The following GFI1 variants were observed in gnomAD, a reference collection of about 807,000 sequenced individuals.
GFI1 encodes zinc finger protein Gfi-1.
In GFI1, 15 loss-of-function variants were observed where a neutral mutation model predicts 39.2. The ratio of observed to expected loss-of-function variants is 0.38; its 90% CI spans 0.26 to 0.59. The LOEUF (loss-of-function observed/expected upper bound fraction) is 0.59, where lower values mean the gene tolerates loss of function less well. Ranked by LOEUF, GFI1 falls within the 20% of genes least tolerant of loss-of-function variation. The pLI is 0.62. For missense variants in GFI1, 475 were observed against 574.0 expected (o/e 0.83, Z 1.76); for synonymous variants, 239 against 254.3 (o/e 0.94, Z 0.57).
At chr1:92,477,628 C>T (rs899217137) in intron 6 of GFI1, among the ~76,000 whole-genome samples, 1 of 152,204 alleles carries the variant, frequency 6.6e-6, no homozygotes, top group African/African-American at 2.4e-5. Flanking sequence ...CATTACATGG[C>T]TACATTATTC....
chr1:92,482,833 C>T lies in GFI1; in HGVS notation c.298+31G>A. ...CCAGCACTGCCGGGTCCCTGCAGCT[C>T]CCGCCCAAGAGGTTCCCAGTGGGTT... On this transcript the variant is annotated intron_variant, in intron 3 of 6. Transcript: ENST00000294702. The surrounding 1 kb of genome is among the most constrained non-coding windows in gnomAD (Gnocchi z 4.4). 6.3e-7 allele frequency: 1 copy of T among 1,593,720 alleles called. No individual in the cohort carries two copies. The highest frequency in any genetic ancestry group is 8.6e-7 in the Non-Finnish European group (1 of 1,161,730).
Position 92,482,730 on chromosome 1 carries a change from G to T in GFI1, c.298+134C>A, listed in dbSNP as rs1658321007. The T allele has an allele frequency of 1.3e-6, 1 of 747,924 alleles. No individual in the cohort carries two copies. The highest frequency in any genetic ancestry group is 1.5e-5 in the South Asian group (1 of 66,668). The allele number at this position is 747,924 out of a possible 1,614,324, so 46.3% of individuals were successfully genotyped here. ...GAAGCCGGATGCCTCCTTCCCCTAC[G>T]AATCAGCTCCCTTCTCCCGGAAAGA... is the stretch of plus-strand genomic sequence containing the variant. On this transcript the variant is annotated intron_variant, in intron 3 of 6. Coordinates refer to ENST00000294702, the MANE Select transcript of GFI1 (RefSeq NM_005263.5). This position sits in a 1 kb window ranked among gnomAD's most constrained non-coding sequence, Gnocchi z 4.4.
chr1:92,478,002 T>C (rs1049670801), intron 6 of GFI1, among the ~76,000 whole-genome samples: 1 of 152,228 alleles, frequency 6.6e-6, no homozygotes, highest in Non-Finnish European at 1.5e-5. Flanking sequence ...GCCTCATTTT[T>C]TTCATCTCTA....
chr1:92,483,709 GC>G, intron 1 of GFI1, 123 bp from the exon 2 acceptor site: 2 of 576,966 alleles, frequency 3.5e-6, no homozygotes, highest in Non-Finnish European at 6.3e-6. Context: ...GGGAGGAGGG[GC>G]TTGACCCTGC....
In GFI1 at chr1:92,480,620, T is replaced by C; in HGVS notation, c.767A>G (p.Lys256Arg). The C allele has an allele frequency of 6.4e-7, 1 of 1,569,130 alleles. No homozygotes were observed. Among genetic ancestry groups the C allele is most frequent in the South Asian group, 1.2e-5 (1 of 86,356 alleles). The change falls in exon 4 of 7, where the codon AAG becomes AGG. Residue 256 changes from lysine (K) to arginine (R), a missense_variant. Lys to Arg is a conservative substitution (Grantham distance 26, BLOSUM62 2). Transcript: ENST00000294702. This position sits in a 1 kb window ranked among gnomAD's most constrained non-coding sequence, Gnocchi z 5.6. ...TRLLLGGGSY[K>R]CIKCSKVFST... ...CCTCACCTTGCTGCACTTGATGCACTTGTAGGAGCCGCCGCCCAGCAGCAG... is the reference window on the plus strand; with the variant it reads ...CCTCACCTTGCTGCACTTGATGCACCTGTAGGAGCCGCCGCCCAGCAGCAG...
chr1:92,483,320 G>A (rs1658368632), intron 2 of GFI1, 53 bp downstream of exon 2: 1 of 983,580 alleles, frequency 1.0e-6, no homozygotes, highest in Non-Finnish European at 1.6e-6. Context: ...GTGTGCCGAG[G>A]TGCAGTAGGC....
In GFI1 at chr1:92,480,545, C is replaced by G. The variant is rs1571215790; in HGVS notation, c.786+56G>C. 6.5e-7 allele frequency: 1 copy of G among 1,544,882 alleles called. No homozygotes were observed. The highest frequency in any genetic ancestry group is 8.7e-7 in the Non-Finnish European group (1 of 1,145,610). On this transcript the variant is annotated intron_variant, in intron 4 of 6. Transcript: ENST00000294702. The surrounding 1 kb of genome is among the most constrained non-coding windows in gnomAD (Gnocchi z 5.6). ...GAGGGGCCGCGGGGCGCAGGCGAGG[C>G]GCGGGTAGGGGAAGCGGGCGCACGG...
rs543138600 is a variant in GFI1, at chr1:92,476,516, C to T, written c.1091-309G>A. On this transcript the variant is annotated intron_variant, in intron 6 of 6. Transcript: ENST00000294702. ...ACGTGCCCTCCCCAGCTGAATCTAC[C>T]CCGGGAGGACTCCCCTGACTTTATA... Among the ~76,000 whole-genome samples the T allele has an allele frequency of 6.6e-5, 10 of 152,282 alleles. No individual in the cohort carries two copies. In the South Asian group the frequency reaches 2.1e-3, roughly 32 times the overall value.
rs1056433845 is a variant in GFI1 at position 92,475,840 on chromosome 1, G to T, written c.*189C>A. 2 of 623,792 alleles carry T rather than the reference G, an allele frequency of 3.2e-6. No individual in the cohort carries two copies. Among genetic ancestry groups the T allele is most frequent in the South Asian group, 1.9e-5 (1 of 53,826 alleles). The allele number at this position is 623,792 out of a possible 1,614,324, so 38.6% of individuals were successfully genotyped here. On this transcript the variant is annotated 3_prime_UTR_variant, in exon 7 of 7. Coordinates refer to ENST00000294702, the MANE Select transcript of GFI1 (RefSeq NM_005263.5). ...TCACTCTCGGCTGCACTTTGAAAAG[G>T]TACCTCATTTCTTCTGGCAGCTCCA...
chr1:92,478,883 T>G, intron 5 of GFI1, 130 bp from the exon 6 acceptor site: 1 of 1,245,114 alleles, frequency 8.0e-7, no homozygotes, highest in Non-Finnish European at 1.1e-6. Flanking sequence ...TTCTTTCTTT[T>G]TTTGAGACAG....
Position 92,484,758 on chromosome 1 carries a change from G to A in GFI1, c.-99-1172C>T, listed in dbSNP as rs185633223. ...TCCGGGGGCGGTACCCCACAGTCGA[G>A]GTGGTCTGGAGTAAACGAATCTGCC... On this transcript the variant is annotated intron_variant, in intron 1 of 6. Transcript: ENST00000294702. The surrounding 1 kb of genome is among the most constrained non-coding windows in gnomAD (Gnocchi z 4.1). 1,130 of 152,492 alleles carry A rather than the reference G, an allele frequency of 7.4e-3. 8 individuals are homozygous for A. Among genetic ancestry groups the A allele is most frequent in the Non-Finnish European group, 0.012 (833 of 68,168 alleles). 9.4% of individuals were successfully genotyped at this position (152,492 alleles called of 1,614,324 possible).
chr1:92,476,104 G>A lies in GFI1; in HGVS notation c.1194C>T (p.Cys398=), dbSNP rs1348982767. The A allele has an allele frequency of 5.0e-6, 8 of 1,614,052 alleles. No individual in the cohort carries two copies. The highest frequency in any genetic ancestry group is 2.2e-5 in the East Asian group (1 of 44,874). The part of the protein sequence containing the change: ...RKHTGFKPFG[C]DLCGKGFQRK... ...TCTGGAAACCCTTCCCACAGAGGTC[G>A]CAGCCGAAGGGCTTGAAGCCTGTGT... The change falls in exon 7 of 7, where the codon TGC becomes TGT. Residue 398 remains cysteine, a synonymous_variant. Transcript: ENST00000294702.
rs1352069247 is a variant in GFI1 at position 92,481,392 on chromosome 1, C to G, written c.299-304G>C. ...GTTCCGAGGATCTTTTCTGGCTGGA[C>G]CCGCGCACCTGGAGATCCTACAGGG... On this transcript the variant is annotated intron_variant, in intron 3 of 6. Transcript: ENST00000294702. The surrounding 1 kb of genome is among the most constrained non-coding windows in gnomAD (Gnocchi z 4.3). Among the ~76,000 whole-genome samples, 1 of 152,216 alleles carries G rather than the reference C, an allele frequency of 6.6e-6. No individual in the cohort carries two copies. Among genetic ancestry groups the G allele is most frequent in the African/African-American group, 2.4e-5 (1 of 41,466 alleles).
rs965220190 is a variant in GFI1 at position 92,484,606 on chromosome 1, G to C, written c.-99-1020C>G. 6.6e-6 allele frequency: 1 copy of C among 152,292 alleles called. No homozygotes were observed. Among genetic ancestry groups the C allele is most frequent in the Non-Finnish European group, 1.5e-5 (1 of 68,146 alleles). The allele number at this position is 152,292 out of a possible 1,614,324, so 9.4% of individuals were successfully genotyped here. ...AGCAGAGAGCGGGGGTCGGGCCCGGGCCCGGGAGGGAACTAGCTGCCCGGG... is the reference window on the plus strand; with the variant it reads ...AGCAGAGAGCGGGGGTCGGGCCCGGCCCCGGGAGGGAACTAGCTGCCCGGG... On this transcript the variant is annotated intron_variant, in intron 1 of 6. Coordinates refer to ENST00000294702, the MANE Select transcript of GFI1 (RefSeq NM_005263.5). This position sits in a 1 kb window ranked among gnomAD's most constrained non-coding sequence, Gnocchi z 4.1.
At position 92,480,788 on chromosome 1, in the gene GFI1, T is replaced by C. The variant is rs1423686474; in HGVS notation, c.599A>G (p.Tyr200Cys). The C allele has an allele frequency of 6.3e-7, 1 of 1,597,944 alleles. No individual in the cohort carries two copies. Among genetic ancestry groups the C allele is most frequent in the Non-Finnish European group, 8.5e-7 (1 of 1,176,088 alleles). ...GATAGPGLGL[Y>C]GDFGSAAAGL... ...GGCTGCCGCAGACCCGAAGTCGCCGTAGAGCCCTAGGCCAGGGCCAGCGGT... is the reference window on the plus strand; with the variant it reads ...GGCTGCCGCAGACCCGAAGTCGCCGCAGAGCCCTAGGCCAGGGCCAGCGGT... The change falls in exon 4 of 7, where the codon TAC becomes TGC. Residue 200 changes from tyrosine to cysteine, a missense_variant. This residue lies in a region of GFI1 where 9 missense variants were observed against 26.9 expected (regional missense o/e 0.33). Transcript: ENST00000294702. This position sits in a 1 kb window ranked among gnomAD's most constrained non-coding sequence, Gnocchi z 5.6.
intron 2 of GFI1, 116 bp from the exon 3 acceptor site, chr1:92,483,162 A>G (rs1023574583): frequency 9.8e-7 from 1 of 1,019,242 alleles, no homozygotes; most frequent in African/African-American, 1.6e-5. Context: ...CTCCACCCAG[A>G]CCCCGGCCGG....
In GFI1 at chr1:92,474,091, G is replaced by C. The variant is rs1657845916; in HGVS notation, c.*1938C>G. 1.3e-5 allele frequency among the ~76,000 whole-genome samples: 2 copies of C among 152,168 alleles called. No individual in the cohort carries two copies. The highest frequency in any genetic ancestry group is 1.3e-4 in the Admixed American group (2 of 15,280). On this transcript the variant is annotated 3_prime_UTR_variant, in exon 7 of 7. Coordinates refer to ENST00000294702, the MANE Select transcript of GFI1 (RefSeq NM_005263.5). ...GGATTTTGGCCAGGATTTTATTCTGGTTTCATTCTCTTAAAGGATTGACTT... is the reference window on the plus strand; with the variant it reads ...GGATTTTGGCCAGGATTTTATTCTGCTTTCATTCTCTTAAAGGATTGACTT...
intron 6 of GFI1, among the ~76,000 whole-genome samples, chr1:92,477,782 T>C (rs1177396469): frequency 6.6e-6 from 1 of 152,250 alleles, no homozygotes; most frequent in African/African-American, 2.4e-5. Context: ...AGCATTATAA[T>C]AGGTAAGGAA....
chr1:92,480,372 C>T lies in GFI1; in HGVS notation c.900G>A (p.Glu300=). 6.5e-7 allele frequency: 1 copy of T among 1,550,136 alleles called. No individual in the cohort carries two copies. The change falls in exon 5 of 7, where the codon GAG becomes GAA. Residue 300 remains glutamate (E), a synonymous_variant. Coordinates refer to ENST00000294702, the MANE Select transcript of GFI1 (RefSeq NM_005263.5). The surrounding 1 kb of genome is among the most constrained non-coding windows in gnomAD (Gnocchi z 5.6). ...CCTGCGAGTGCACGGCTTTGTGCTG[C>T]TCCAGGCTCACCGCGTGCCCGAAGG... ...GKTFGHAVSL[E]QHKAVHSQER...
Sources: gnomAD v4.1 joint callset for allele counts (sites outside exome capture counted in the v4.1 genomes callset) on GRCh38, gnomAD v4.1.1 for gene constraint, gnomAD v4.1.1 regional missense constraint, Gnocchi (gnomAD v3.1) non-coding constraint, MANE v1.5 for transcripts, NCBI Gene and HGNC (gene_info 2026-07-23, HGNC 2026-07-21) for gene names.